Variants in PCBP3 observed in about 807,000 individuals in gnomAD.
PCBP3 encodes the protein poly(rC) binding protein 3.
In PCBP3, 25 loss-of-function variants were observed where a neutral mutation model predicts 52.7. The ratio of observed to expected loss-of-function variants is 0.47; its 90% CI spans 0.35 to 0.66. The LOEUF (loss-of-function observed/expected upper bound fraction) is 0.66, where lower values mean the gene tolerates loss of function less well. Ranked by LOEUF, PCBP3 falls within the 30% of genes least tolerant of loss-of-function variation. The probability of loss-of-function intolerance (pLI) is 0.01; values close to 1 mark genes in which losing one functional copy is unlikely to be tolerated. For missense variants in PCBP3, 391 were observed against 490.3 expected (o/e 0.80, Z 1.91); for synonymous variants, 162 against 183.0 (o/e 0.89, Z 0.93).
chr21:45,772,824 GATTA>G (rs757462891), intron 4 of PCBP3, among the ~76,000 whole-genome samples: 95 of 152,234 alleles, frequency 6.2e-4, no homozygotes, highest in Non-Finnish European at 1.1e-3. Context: ...TTTCTCTGGT[GATTA>G]ATTATGTTGA....
chr21:45,681,787 CTCT>C (rs899038199), intron 2 of PCBP3, among the ~76,000 whole-genome samples: 2 of 151,890 alleles, frequency 1.3e-5, no homozygotes, highest in African/African-American at 4.8e-5. Flanking sequence ...GAAATTTTTC[CTCT>C]TCTTTTGTCT....
intron 4 of PCBP3, among the ~76,000 whole-genome samples, chr21:45,811,625 C>T (rs1028681860): frequency 2.0e-5 from 3 of 152,232 alleles, no homozygotes; most frequent in African/African-American, 7.2e-5. Context: ...TCCCTTTCTA[C>T]CTGCTAATAT....
intron 3 of PCBP3, among the ~76,000 whole-genome samples, chr21:45,743,101 A>ATT (rs1247257835): frequency 6.6e-6 from 1 of 152,160 alleles, no homozygotes; most frequent in African/African-American, 2.4e-5. Context: ...TACATTTCAT[A>ATT]GCTTTCTTGC....
At position 45,930,014 on chromosome 21, in the gene PCBP3, T is replaced by G. The variant is rs746606802; in HGVS notation, c.796+19T>G. The G allele has an allele frequency of 6.4e-7, 1 of 1,556,940 alleles. No homozygotes were observed. Among genetic ancestry groups the G allele is most frequent in the Non-Finnish European group, 8.9e-7 (1 of 1,128,348 alleles). ...TTCCCCGGTACGTACCCAGCCCTTT[T>G]CTCACCTCCTTCTCTTCTCACCTGG... is the stretch of plus-strand genomic sequence containing the variant. On this transcript the variant is annotated intron_variant, in intron 14 of 17. Coordinates refer to ENST00000681687, the MANE Select transcript of PCBP3 (RefSeq NM_001384156.1).
Position 45,926,558 on chromosome 21 carries a change from G to A in PCBP3, c.718-3359G>A, listed in dbSNP as rs146251639. On this transcript the variant is annotated intron_variant, in intron 13 of 17. Coordinates refer to ENST00000681687, the MANE Select transcript of PCBP3 (RefSeq NM_001384156.1). ...CAAGTAGACTGGATCAGACATGAGA[G>A]CCCAGGATCCCTCACACAGGAAGGA... is the stretch of plus-strand genomic sequence containing the variant. 1.7e-3 allele frequency among the ~76,000 whole-genome samples: 262 copies of A among 152,268 alleles called. 4 individuals carry two copies. Among genetic ancestry groups the A allele is most frequent in the African/African-American group, 5.8e-3 (241 of 41,552 alleles).
At chr21:45,938,294 G>A (rs968466259) in intron 16 of PCBP3, among the ~76,000 whole-genome samples, 2 of 152,250 alleles carry the variant, frequency 1.3e-5, no homozygotes, top group African/African-American at 4.8e-5. Context: ...AAGCGGCTGC[G>A]TGCTGGCCAA....
chr21:45,887,432 C>T (rs930234094), intron 5 of PCBP3, among the ~76,000 whole-genome samples: 27 of 152,334 alleles, frequency 1.8e-4, no homozygotes, highest in African/African-American at 6.3e-4. Context: ...TCCAGCCTCT[C>T]CAGCATCAGT....
chr21:45,912,293 C>G, intron 11 of PCBP3, among the ~76,000 whole-genome samples: 1 of 152,232 alleles, frequency 6.6e-6, no homozygotes, highest in East Asian at 1.9e-4. Context: ...CAGCTGCTCT[C>G]ACTCCCGCTG....
chr21:45,848,723 C>T (rs892831314), intron 4 of PCBP3, among the ~76,000 whole-genome samples: 11 of 152,056 alleles, frequency 7.2e-5, no homozygotes, highest in African/African-American at 2.7e-4. Context: ...ATTTCTGTTT[C>T]TCAGCTTTTA....
At position 45,905,156 on chromosome 21, in the gene PCBP3, C is replaced by T. The variant is rs149717189; in HGVS notation, c.339+4043C>T. Among the ~76,000 whole-genome samples the T allele has an allele frequency of 3.3e-3, 507 of 152,322 alleles. 4 individuals are homozygous for T. The highest frequency in any genetic ancestry group is 0.022 in the South Asian group (106 of 4,826). On this transcript the variant is annotated intron_variant, in intron 9 of 17. Coordinates refer to ENST00000681687, the MANE Select transcript of PCBP3 (RefSeq NM_001384156.1). ...TTACAATGGCCTCTTGGCTTGCCTCCAGAGATCCAAACTTCGAGGCTTAGC... is the reference window on the plus strand; with the variant it reads ...TTACAATGGCCTCTTGGCTTGCCTCTAGAGATCCAAACTTCGAGGCTTAGC...
intron 2 of PCBP3, among the ~76,000 whole-genome samples, chr21:45,676,442 A>T (rs1234225604): frequency 2.0e-5 from 3 of 152,070 alleles, no homozygotes; most frequent in Non-Finnish European, 4.4e-5. Flanking sequence ...TTTTTCCAAT[A>T]GCATTGCTTA....
intron 5 of PCBP3, among the ~76,000 whole-genome samples, chr21:45,876,274 G>A (rs34959654): frequency 0.041 from 6,231 of 152,154 alleles, 187 homozygotes; most frequent in Non-Finnish European, 0.065. Context: ...TACGAATCCC[G>A]AAATGAGCAT....
chr21:45,710,087 C>T (rs1389551308), intron 2 of PCBP3, among the ~76,000 whole-genome samples: 2 of 152,096 alleles, frequency 1.3e-5, no homozygotes, highest in Admixed American at 6.6e-5. Context: ...TTCATGGTGA[C>T]CTTGATCACC....
intron 11 of PCBP3, 74 bp downstream of exon 11, chr21:45,911,104 G>T: frequency 6.5e-7 from 1 of 1,548,168 alleles, no homozygotes; most frequent in Non-Finnish European, 8.8e-7. Context: ...CAAAGGCTTG[G>T]AAGCCCCGGT....
chr21:45,914,454 G>A (rs990963059), intron 12 of PCBP3: 123 of 340,720 alleles, frequency 3.6e-4, no homozygotes, highest in Admixed American at 1.4e-4. Flanking sequence ...TAGCAGGGAC[G>A]TGCGAGAGGA....
At chr21:45,748,396 C>T (rs1418557758) in intron 3 of PCBP3, among the ~76,000 whole-genome samples, 1 of 152,154 alleles carries the variant, frequency 6.6e-6, no homozygotes, top group African/African-American at 2.4e-5. Context: ...CTGTCTTTGG[C>T]GATGAAGGGC....
At chr21:45,882,743 G>C (rs1383831759) in intron 5 of PCBP3, among the ~76,000 whole-genome samples, 1 of 152,004 alleles carries the variant, frequency 6.6e-6, no homozygotes, top group Non-Finnish European at 1.5e-5. Flanking sequence ...TTCTGCACAG[G>C]GACATCCAGT....
chr21:45,830,449 A>G lies in PCBP3; in HGVS notation c.-125-19512A>G, dbSNP rs2093419099. On this transcript the variant is annotated intron_variant, in intron 4 of 17. Coordinates refer to ENST00000681687, the MANE Select transcript of PCBP3 (RefSeq NM_001384156.1). The surrounding 1 kb of genome is among the most constrained non-coding windows in gnomAD (Gnocchi z 4.4). ...TGAACGTGAAGAGGAGACCTGCCAG[A>G]CTATGGACAGCAGGCTCGCTGGGAG... 1 of 152,876 alleles carries G rather than the reference A, an allele frequency of 6.5e-6. No homozygotes were observed. The highest frequency in any genetic ancestry group is 1.5e-5 in the Non-Finnish European group (1 of 68,192). 9.5% of individuals were successfully genotyped at this position (152,876 alleles called of 1,614,324 possible).
intron 13 of PCBP3, among the ~76,000 whole-genome samples, chr21:45,927,045 G>A (rs2075503791): frequency 6.6e-6 from 1 of 152,152 alleles, no homozygotes; most frequent in Non-Finnish European, 1.5e-5. Context: ...TTTTGCTGGA[G>A]ATGAAATAGA....
Sources: gnomAD v4.1 joint callset for allele counts (sites outside exome capture counted in the v4.1 genomes callset) on GRCh38, gnomAD v4.1.1 for gene constraint, Gnocchi (gnomAD v3.1) non-coding constraint, MANE v1.5 for transcripts, NCBI Gene and HGNC (gene_info 2026-07-23, HGNC 2026-07-21) for gene names.